Variants in FUT9 observed in about 807,000 individuals in gnomAD.
FUT9 encodes fucosyltransferase 9.
Under a neutral mutation model 29.7 loss-of-function variants are expected in FUT9, and 15 were observed. The observed-to-expected ratio is 0.51, with a 90% CI of 0.34 to 0.78. The LOEUF (loss-of-function observed/expected upper bound fraction) is 0.78, where lower values mean the gene tolerates loss of function less well. Among genes scored for constraint, FUT9 ranks in the 30% least tolerant of loss-of-function variants. The pLI, the probability that FUT9 is intolerant of heterozygous loss-of-function variation, is 0.01. For synonymous variants in FUT9, 169 were observed against 153.7 expected (o/e 1.10, Z -0.74); for missense variants, 319 against 425.4 (o/e 0.75, Z 2.20).
chr6:96,061,553 C>T (rs1035796586), intron 1 of FUT9, among the ~76,000 whole-genome samples: 2 of 151,744 alleles, frequency 1.3e-5, no homozygotes, highest in Admixed American at 6.6e-5. Context: ...CTTCTTAAAA[C>T]CTTACAGTAG....
At chr6:96,178,889 T>C (rs1281236620) in intron 2 of FUT9, among the ~76,000 whole-genome samples, 1 of 152,082 alleles carries the variant, frequency 6.6e-6, no homozygotes, top group Middle Eastern at 3.2e-3. Context: ...TTGCAATCCA[T>C]AAAATCACAT....
intron 2 of FUT9, among the ~76,000 whole-genome samples, chr6:96,147,488 ATG>A (rs1433104251): frequency 6.6e-6 from 1 of 152,072 alleles, no homozygotes; most frequent in African/African-American, 2.4e-5. Flanking sequence ...CATTATCCTC[ATG>A]TTTGTCCTAA....
chr6:96,184,161 C>T (rs560936988), intron 2 of FUT9, among the ~76,000 whole-genome samples: 2 of 152,078 alleles, frequency 1.3e-5, no homozygotes, highest in South Asian at 2.1e-4. Flanking sequence ...TCTAATTCTT[C>T]CTGATTTAAG....
chr6:96,131,797 C>T (rs373237668), intron 2 of FUT9, among the ~76,000 whole-genome samples: 1 of 152,022 alleles, frequency 6.6e-6, no homozygotes, highest in South Asian at 2.1e-4. Context: ...TGGTATACAA[C>T]AAATTTATTG....
intron 1 of FUT9, among the ~76,000 whole-genome samples, chr6:96,032,262 G>A (rs954881385): frequency 6.6e-6 from 1 of 151,558 alleles, no homozygotes; most frequent in African/African-American, 2.4e-5. Flanking sequence ...CTTTTTAATG[G>A]CTGCTAGGAA....
chr6:96,152,807 T>G (rs1391336544), intron 2 of FUT9, among the ~76,000 whole-genome samples: 1 of 152,202 alleles, frequency 6.6e-6, no homozygotes, highest in Non-Finnish European at 1.5e-5. Flanking sequence ...AAGTTGTAAA[T>G]AGATAATTAT....
chr6:96,023,200 T>C (rs1254678352), intron 1 of FUT9, among the ~76,000 whole-genome samples: 3 of 151,960 alleles, frequency 2.0e-5, no homozygotes, highest in Non-Finnish European at 4.4e-5. Flanking sequence ...TTTTTGTTTG[T>C]TGGGGATGAA....
At chr6:96,122,922 T>C (rs1284421447) in intron 2 of FUT9, among the ~76,000 whole-genome samples, 1 of 151,800 alleles carries the variant, frequency 6.6e-6, no homozygotes, top group Non-Finnish European at 1.5e-5. Flanking sequence ...TAGCTGGGCA[T>C]GGTGGCGGGC....
Position 96,111,648 on chromosome 6 carries a change from C to T in FUT9, c.-97-2391C>T, listed in dbSNP as rs1412010941. Reference sequence around the variant, plus strand: ...CTTCCTGGCCCTCATTATTTGCTCTCATTCTAGAAATAATTCTAAATCCTT... The same window carrying T: ...CTTCCTGGCCCTCATTATTTGCTCTTATTCTAGAAATAATTCTAAATCCTT... On this transcript the variant is annotated intron_variant, in intron 1 of 2. Transcript: ENST00000302103. Among the ~76,000 whole-genome samples the T allele has an allele frequency of 2.0e-5, 3 of 151,966 alleles. No homozygotes were observed. The South Asian group carries it at 6.2e-4, about 31-fold the overall frequency.
intron 2 of FUT9, among the ~76,000 whole-genome samples, chr6:96,155,317 T>C (rs1379206977): frequency 6.6e-6 from 1 of 152,108 alleles, no homozygotes; most frequent in African/African-American, 2.4e-5. Context: ...TGGTCTGAAA[T>C]GTGTTCTCAA....
chr6:96,106,184 G>T (rs1462749295), intron 1 of FUT9, among the ~76,000 whole-genome samples: 1 of 96,394 alleles, frequency 1.0e-5, no homozygotes, highest in Non-Finnish European at 2.4e-5. Context: ...ATGAGAATGA[G>T]CCCAAGATAA....
intron 1 of FUT9, among the ~76,000 whole-genome samples, chr6:96,084,739 T>C (rs1219378801): frequency 1.3e-5 from 2 of 152,156 alleles, no homozygotes; most frequent in African/African-American, 4.8e-5. Flanking sequence ...TGGATACTGA[T>C]AGTTGCATTA....
intron 2 of FUT9, among the ~76,000 whole-genome samples, chr6:96,150,340 C>T (rs1443304621): frequency 6.6e-6 from 1 of 151,968 alleles, no homozygotes; most frequent in East Asian, 1.9e-4. Flanking sequence ...TAGTGCAGAG[C>T]GTGATGAATC....
chr6:96,184,302 T>C (rs1383477157), intron 2 of FUT9, among the ~76,000 whole-genome samples: 4 of 152,236 alleles, frequency 2.6e-5, no homozygotes, highest in African/African-American at 9.6e-5. Context: ...ACATCTCTCA[T>C]TTTGTTTCTG....
chr6:96,121,033 A>T (rs899341957), intron 2 of FUT9, among the ~76,000 whole-genome samples: 1 of 152,114 alleles, frequency 6.6e-6, no homozygotes, highest in African/African-American at 2.4e-5. Context: ...GGTAATACAG[A>T]ATCCTGTGGA....
chr6:96,084,346 AG>A (rs550842689), intron 1 of FUT9, among the ~76,000 whole-genome samples: 6 of 152,158 alleles, frequency 3.9e-5, no homozygotes, highest in Non-Finnish European at 8.8e-5. Context: ...TTTAAGCTAC[AG>A]AAAGCGCTCT....
Position 96,028,107 on chromosome 6 carries a change from C to T in FUT9, c.-98+11895C>T, listed in dbSNP as rs929996103. On this transcript the variant is annotated intron_variant, in intron 1 of 2. Coordinates refer to ENST00000302103, the MANE Select transcript of FUT9 (RefSeq NM_006581.4). Reference sequence around the variant, plus strand: ...TTGCTTGGAGTATGCCAGTGGCAATCTTGTGCAGAAGAAAAGAGGAAGATA... The same window carrying T: ...TTGCTTGGAGTATGCCAGTGGCAATTTTGTGCAGAAGAAAAGAGGAAGATA... 2.0e-5 allele frequency among the ~76,000 whole-genome samples: 3 copies of T among 151,430 alleles called. No individual in the cohort carries two copies. In the South Asian group the frequency reaches 6.2e-4, roughly 31 times the overall value.
chr6:96,202,267 A>T (rs1773739130), intron 2 of FUT9, among the ~76,000 whole-genome samples: 1 of 152,146 alleles, frequency 6.6e-6, no homozygotes. Flanking sequence ...GCTAAAATTC[A>T]TGACATCAAA....
chr6:96,158,023 C>A (rs1394463659), intron 2 of FUT9, among the ~76,000 whole-genome samples: 1 of 152,082 alleles, frequency 6.6e-6, no homozygotes, highest in Non-Finnish European at 1.5e-5. Flanking sequence ...ATAGAACAAG[C>A]ATTATTAGAA....
Sources: gnomAD v4.1 joint callset for allele counts (sites outside exome capture counted in the v4.1 genomes callset) on GRCh38, gnomAD v4.1.1 for gene constraint, MANE v1.5 for transcripts, NCBI Gene and HGNC (gene_info 2026-07-23, HGNC 2026-07-21) for gene names.